Variants in NTSR1 observed in about 807,000 individuals in gnomAD.
NTSR1 encodes neurotensin receptor type 1.
A neutral mutation model predicts 31.2 loss-of-function variants in NTSR1; 29 were observed. The observed-to-expected ratio is 0.93, with a 90% CI of 0.69 to 1.27. NTSR1 has a LOEUF of 1.27. Ranked by LOEUF, NTSR1 falls within the 50% of genes most tolerant of loss-of-function variation. NTSR1 has a pLI of 0.00. For missense variants in NTSR1, 697 were observed against 595.4 expected, an observed-to-expected ratio of 1.17 and a Z score of -1.78; for synonymous variants, 282 against 269.9, an observed-to-expected ratio of 1.04 and a Z score of -0.44.
Position 62,758,137 on chromosome 20 carries a change from G to A in NTSR1, c.917-129G>A, listed in dbSNP as rs948089214. ...AGGTGCAGTGGGTCTCTGAGCCCACGTCTCTGTGCCTCAGGTGCAGTGGGT... is the reference window on the plus strand; with the variant it reads ...AGGTGCAGTGGGTCTCTGAGCCCACATCTCTGTGCCTCAGGTGCAGTGGGT... On this transcript the variant is annotated intron_variant, in intron 2 of 3. Transcript: ENST00000370501. The surrounding 1 kb of genome is among the most constrained non-coding windows in gnomAD (Gnocchi z 4.5). 12 of 875,558 alleles carry A rather than the reference G, an allele frequency of 1.4e-5. No individual in the cohort carries two copies. The highest frequency in any genetic ancestry group is 1.8e-5 in the African/African-American group (1 of 55,736). 54.2% of individuals were successfully genotyped at this position (875,558 alleles called of 1,614,324 possible).
intron 1 of NTSR1, among the ~76,000 whole-genome samples, chr20:62,718,431 A>ATAAG (rs910795018): frequency 6.6e-6 from 1 of 152,160 alleles, no homozygotes; most frequent in African/African-American, 2.4e-5. Flanking sequence ...CTGACAGGCA[A>ATAAG]TAAGATTCCC....
chr20:62,710,498 A>G (rs1281131277), intron 1 of NTSR1, among the ~76,000 whole-genome samples: 1 of 152,190 alleles, frequency 6.6e-6, no homozygotes, highest in Admixed American at 6.5e-5. Context: ...AAGTGTTTGC[A>G]TGGCCCCTGA....
chr20:62,758,514 G>A lies in NTSR1; in HGVS notation c.1007+158G>A, dbSNP rs78872787. ...GCAGGGTTGTGCTGTGACTGGGGCCGGGAGAAGGCCATGGAGGGACAGGTT... is the reference window on the plus strand; with the variant it reads ...GCAGGGTTGTGCTGTGACTGGGGCCAGGAGAAGGCCATGGAGGGACAGGTT... On this transcript the variant is annotated intron_variant, in intron 3 of 3. Coordinates refer to ENST00000370501, the MANE Select transcript of NTSR1 (RefSeq NM_002531.3). The surrounding 1 kb of genome is among the most constrained non-coding windows in gnomAD (Gnocchi z 4.5). Among the ~76,000 whole-genome samples, 1,178 of 152,276 alleles carry A rather than the reference G, an allele frequency of 7.7e-3. 17 individuals carry two copies. Among genetic ancestry groups the A allele is most frequent in the African/African-American group, 0.027 (1,103 of 41,544 alleles).
chr20:62,751,881 G>A (rs1372529224), intron 1 of NTSR1, among the ~76,000 whole-genome samples: 1 of 152,180 alleles, frequency 6.6e-6, no homozygotes, highest in South Asian at 2.1e-4. Flanking sequence ...CGATGATCTG[G>A]ATGCTGTCTC....
In NTSR1 at chr20:62,733,776, GA is replaced by G. The variant is rs1436286052; in HGVS notation, c.715-20908del. On this transcript the variant is annotated intron_variant, in intron 1 of 3. Coordinates refer to ENST00000370501, the MANE Select transcript of NTSR1 (RefSeq NM_002531.3). The surrounding 1 kb of genome is among the most constrained non-coding windows in gnomAD (Gnocchi z 5.2). ...GAGAAAGGGAGGAACAGAGGAGAGA[GA>G]GGGGAGGAGGGGGAGGGAGACAGCA... Among the ~76,000 whole-genome samples the G allele has an allele frequency of 1.7e-4, 25 of 151,442 alleles. No homozygotes were observed. Among genetic ancestry groups the G allele is most frequent in the African/African-American group, 6.1e-4 (25 of 41,198 alleles).
chr20:62,710,035 T>C, intron 1 of NTSR1, 114 bp downstream of exon 1: 1 of 961,252 alleles, frequency 1.0e-6, no homozygotes, highest in Non-Finnish European at 1.5e-6. Flanking sequence ...AGTCTACTCC[T>C]GCGAGGCTGG....
At position 62,742,438 on chromosome 20, in the gene NTSR1, C is replaced by A. The variant is rs1210287985; in HGVS notation, c.715-12247C>A. Among the ~76,000 whole-genome samples, 2 of 149,486 alleles carry A rather than the reference C, an allele frequency of 1.3e-5. No homozygotes were observed. Among genetic ancestry groups the A allele is most frequent in the Admixed American group, 6.7e-5 (1 of 14,870 alleles). The stretch of plus-strand genomic sequence containing the variant: ...CACAGCTTTGCATTCCAGATCCCAG[C>A]AGCATCTCGAGCCGGGCCTGGTACT... On this transcript the variant is annotated intron_variant, in intron 1 of 3. Transcript: ENST00000370501. This position sits in a 1 kb window ranked among gnomAD's most constrained non-coding sequence, Gnocchi z 7.1.
At chr20:62,724,268 C>T (rs910614052) in intron 1 of NTSR1, among the ~76,000 whole-genome samples, 11 of 152,200 alleles carry the variant, frequency 7.2e-5, no homozygotes, top group African/African-American at 2.7e-4. Flanking sequence ...CCCCTGCAAC[C>T]CCAGAGGCCC....
At chr20:62,713,364 A>T (rs1379270588) in intron 1 of NTSR1, among the ~76,000 whole-genome samples, 1 of 152,194 alleles carries the variant, frequency 6.6e-6, no homozygotes, top group Non-Finnish European at 1.5e-5. Flanking sequence ...CTGGTGTCCT[A>T]CAACCCCTGC....
At chr20:62,729,445 G>C (rs530766057) in intron 1 of NTSR1, among the ~76,000 whole-genome samples, 18 of 152,268 alleles carry the variant, frequency 1.2e-4, no homozygotes, top group African/African-American at 3.9e-4. Context: ...GTGATGGATG[G>C]AGGGTGGGCC....
At chr20:62,756,459 G>T (rs1862099474) in intron 2 of NTSR1, among the ~76,000 whole-genome samples, 1 of 152,274 alleles carries the variant, frequency 6.6e-6, no homozygotes, top group South Asian at 2.1e-4. Context: ...CTTCAGTTTG[G>T]TTTGCCTGAA....
At chr20:62,759,643 G>C (rs1989575978) in intron 3 of NTSR1, among the ~76,000 whole-genome samples, 1 of 152,100 alleles carries the variant, frequency 6.6e-6, no homozygotes, top group Non-Finnish European at 1.5e-5. Context: ...GCGTGGTGGG[G>C]GGGTCCCTGT....
intron 1 of NTSR1, among the ~76,000 whole-genome samples, chr20:62,753,021 G>T (rs187965068): frequency 2.0e-5 from 3 of 152,204 alleles, no homozygotes; most frequent in African/African-American, 4.8e-5. Flanking sequence ...AGCAAGGGGC[G>T]CTGGGCTGGC....
chr20:62,755,018 G>A (rs1989460334), intron 2 of NTSR1, 132 bp downstream of exon 2: 11 of 849,366 alleles, frequency 1.3e-5, no homozygotes, highest in South Asian at 1.8e-5. Context: ...AGACCCAAGG[G>A]TGCCAGCTCC....
At chr20:62,747,538 C>G (rs971112357) in intron 1 of NTSR1, among the ~76,000 whole-genome samples, 3 of 151,404 alleles carry the variant, frequency 2.0e-5, no homozygotes, top group African/African-American at 7.3e-5. Flanking sequence ...GTATGACAGA[C>G]CCACAGCTAA....
At chr20:62,721,486 G>C (rs1292755242) in intron 1 of NTSR1, among the ~76,000 whole-genome samples, 4 of 152,258 alleles carry the variant, frequency 2.6e-5, no homozygotes, top group Non-Finnish European at 5.9e-5. Context: ...CTTGGTCAGA[G>C]CTGCCGCTTT....
intron 1 of NTSR1, among the ~76,000 whole-genome samples, chr20:62,736,978 T>C (rs1989107204): frequency 6.6e-6 from 1 of 152,190 alleles, no homozygotes; most frequent in Non-Finnish European, 1.5e-5. Context: ...GTGAAGAAAG[T>C]GCCTGCTTCT....
chr20:62,719,756 T>C (rs2147133886), intron 1 of NTSR1, among the ~76,000 whole-genome samples: 1 of 152,364 alleles, frequency 6.6e-6, no homozygotes, highest in East Asian at 1.9e-4. Context: ...TGGTTTTGAC[T>C]TGCTAGTGTT....
chr20:62,737,710 A>G (rs1295248125), intron 1 of NTSR1, among the ~76,000 whole-genome samples: 1 of 151,800 alleles, frequency 6.6e-6, no homozygotes, highest in Non-Finnish European at 1.5e-5. Context: ...TGCAGGCCAC[A>G]CCTGGGTCCC....
Sources: allele counts gnomAD v4.1 joint callset (sites outside exome capture counted in the v4.1 genomes callset), GRCh38; gene constraint gnomAD v4.1.1; non-coding constraint Gnocchi (gnomAD v3.1); transcripts MANE v1.5; gene names NCBI Gene and HGNC (gene_info 2026-07-23, HGNC 2026-07-21).